The following TRIM14 variants were observed in gnomAD, a reference collection of about 807,000 sequenced individuals.
TRIM14 encodes the protein tripartite motif-containing protein 14.
In TRIM14, 28 loss-of-function variants were observed where a neutral mutation model predicts 44.5. That is an observed-to-expected ratio of 0.63 (90% CI 0.47 to 0.86). The LOEUF is 0.86. TRIM14 is among the 40% of genes least tolerant of loss of function. The pLI is 0.00. For synonymous variants in TRIM14, 299 were observed against 269.2 expected, an observed-to-expected ratio of 1.11 and a Z score of -1.08; for missense variants, 607 against 611.1, an observed-to-expected ratio of 0.99 and a Z score of 0.07.
the TRIM14 span, among the ~76,000 whole-genome samples, chr9:98,053,992 A>G: frequency 3.9e-4 from 59 of 152,290 alleles, no homozygotes; most frequent in Non-Finnish European, 6.3e-4. Context: ...TTGGGCACCC[A>G]GTATCACCCT....
downstream of TRIM14, among the ~76,000 whole-genome samples, chr9:98,082,349 G>C (rs1178411225): frequency 1.3e-5 from 2 of 152,082 alleles, no homozygotes; most frequent in Non-Finnish European, 2.9e-5. Flanking sequence ...GTTTCATCTT[G>C]GCTGTCTGCA....
chr9:98,092,945 C>T (rs951805008), intron 4 of TRIM14, among the ~76,000 whole-genome samples: 1 of 152,136 alleles, frequency 6.6e-6, no homozygotes, highest in Non-Finnish European at 1.5e-5. Context: ...ATTTAAACTC[C>T]TTTAAATTTA....
rs377045210 is a variant in TRIM14 at position 98,087,644 on chromosome 9, G to C, written c.1155C>G (p.Arg385=). The change falls in exon 6 of 6, where the codon CGC becomes CGG. Residue 385 remains arginine (R), a synonymous_variant. Transcript: ENST00000341469. ...AGACGCCGAGCCGGTCGAGGTCGTC[G>C]CGGGGCCGCAGGCGGCTGCGCTGGC... is the stretch of plus-strand genomic sequence containing the variant. ...HDGQRSRLRP[R]DDLDRLGVFL... is the part of the protein sequence containing the mutation. 1 of 1,604,618 alleles carries C rather than the reference G, an allele frequency of 6.2e-7. No individual in the cohort carries two copies. Among genetic ancestry groups the C allele is most frequent in the Non-Finnish European group, 8.5e-7 (1 of 1,178,574 alleles).
In TRIM14 at chr9:98,114,403, G is replaced by A. The variant is rs558180342; in HGVS notation, c.208-4419C>T. Among the ~76,000 whole-genome samples, 5 of 151,756 alleles carry A rather than the reference G, an allele frequency of 3.3e-5. No homozygotes were observed. The East Asian group carries it at 5.8e-4, about 18-fold the overall frequency. On this transcript the variant is annotated intron_variant, in intron 1 of 5. Transcript: ENST00000341469. ...GGCTGGAGTGCAGTGGCGTAATCTC[G>A]GCTCACTGCAAGCTCCACCTCCCGG...
At chr9:98,082,994 A>ACCTTCAAC, downstream of TRIM14, 1 of 1,614,226 alleles carries the variant, frequency 6.2e-7, no homozygotes, top group Non-Finnish European at 8.5e-7. Context: ...GTCACTGTTG[A>ACCTTCAAC]AGAGGATGAC....
At chr9:98,074,319 G>A (rs1217086225) in intron 6 of TRIM14, among the ~76,000 whole-genome samples, 1 of 152,168 alleles carries the variant, frequency 6.6e-6, no homozygotes, top group Non-Finnish European at 1.5e-5. Flanking sequence ...TGGGGCAGGA[G>A]GGAGAGAGGA....
intron 4 of TRIM14, among the ~76,000 whole-genome samples, chr9:98,093,327 G>A (rs1826067113): frequency 6.6e-6 from 1 of 152,156 alleles, no homozygotes; most frequent in Non-Finnish European, 1.5e-5. Flanking sequence ...AGACGTAACA[G>A]CAGCAGCAAT....
chr9:98,040,740 C>T, the TRIM14 span, among the ~76,000 whole-genome samples: 1 of 151,884 alleles, frequency 6.6e-6, no homozygotes, highest in Admixed American at 6.6e-5. Context: ...TCATTGCAAC[C>T]TCTGCCTCCC....
At chr9:98,061,755 G>A in the TRIM14 span, among the ~76,000 whole-genome samples, 1 of 151,040 alleles carries the variant, frequency 6.6e-6, no homozygotes, top group East Asian at 1.9e-4. Flanking sequence ...ACTCCAGCCT[G>A]GTGATAGAGC....
At chr9:98,093,804 G>C (rs1826083582) in intron 4 of TRIM14, among the ~76,000 whole-genome samples, 4 of 152,028 alleles carry the variant, frequency 2.6e-5, no homozygotes, top group African/African-American at 9.7e-5. Context: ...GAAGTACAGT[G>C]GCATGATCTC....
the TRIM14 span, among the ~76,000 whole-genome samples, chr9:98,045,653 T>C: frequency 6.6e-6 from 1 of 152,238 alleles, no homozygotes. Flanking sequence ...GTTCATGGAT[T>C]GTTCATTTCT....
chr9:98,036,729 G>A, the TRIM14 span, among the ~76,000 whole-genome samples: 338 of 151,564 alleles, frequency 2.2e-3, no homozygotes, highest in Admixed American at 5.3e-3. Context: ...GCTTGAACCC[G>A]GGAGGCAGAG....
At chr9:98,051,695 C>T in the TRIM14 span, among the ~76,000 whole-genome samples, 49 of 152,202 alleles carry the variant, frequency 3.2e-4, no homozygotes, top group African/African-American at 1.1e-3. Context: ...AACAAGCAGC[C>T]ACAGCTGGAA....
At chr9:98,079,717 CT>C (rs1246771374), downstream of TRIM14, among the ~76,000 whole-genome samples, 5 of 152,194 alleles carry the variant, frequency 3.3e-5, no homozygotes, top group Non-Finnish European at 1.5e-5. Context: ...TTCAGTGTAT[CT>C]CCGTCCCCAC....
At chr9:98,065,308 C>CTT (rs758040892), downstream of TRIM14, among the ~76,000 whole-genome samples, 21,126 of 92,628 alleles carry the variant, frequency 0.23, 4,128 homozygotes, top group African/African-American at 0.49. Context: ...ACTCCTGGTG[C>CTT]TTTTTTTTTT....
the TRIM14 span, among the ~76,000 whole-genome samples, chr9:98,054,979 C>T: frequency 6.6e-6 from 1 of 152,206 alleles, no homozygotes; most frequent in African/African-American, 2.4e-5. Flanking sequence ...TTACTCACAT[C>T]AATTTCCCCT....
At chr9:98,075,543 CCAAT>C (rs1469020168) in intron 6 of TRIM14, 6 of 152,012 alleles carry the variant, frequency 3.9e-5, no homozygotes, top group Non-Finnish European at 8.8e-5. Context: ...CGGTCCTAGA[CCAAT>C]CAGAGTTTGC....
At position 98,087,770 on chromosome 9, in the gene TRIM14, G is replaced by T. The variant is rs1210867948; in HGVS notation, c.1029C>A (p.Ser343=). Residue 343 remains serine (S), a synonymous_variant, in exon 6 of 6, where the codon TCC becomes TCA. Coordinates refer to ENST00000341469, the MANE Select transcript of TRIM14 (RefSeq NM_014788.4). ...CGGCCGAGGCCCCGCGGCGCCGAAG[G>T]GAGGCGTAGGCCGCGCCCACCCACC... ...AGWWVGAAYA[S]LRRRGASAAA... 3.3e-6 allele frequency: 5 copies of T among 1,528,268 alleles called. No individual in the cohort carries two copies. Among genetic ancestry groups the T allele is most frequent in the Non-Finnish European group, 4.4e-6 (5 of 1,148,310 alleles). 94.7% of individuals were successfully genotyped at this position (1,528,268 alleles called of 1,614,324 possible).
At chr9:98,090,424 A>G (rs1466713255) in intron 5 of TRIM14, among the ~76,000 whole-genome samples, 1 of 152,246 alleles carries the variant, frequency 6.6e-6, no homozygotes, top group African/African-American at 2.4e-5. Context: ...CTTTGGGGAT[A>G]GTAAACAAGA....
Sources: gnomAD v4.1 joint callset for allele counts (sites outside exome capture counted in the v4.1 genomes callset) on GRCh38, gnomAD v4.1.1 for gene constraint, MANE v1.5 for transcripts, NCBI Gene and HGNC (gene_info 2026-07-23, HGNC 2026-07-21) for gene names.